Variants in BDP1 observed in about 807,000 individuals in gnomAD.
BDP1 encodes BDP1 general transcription factor IIIB subunit, also known as transcription factor TFIIIB component B'' homolog.
In BDP1, 169 loss-of-function variants were observed where a neutral mutation model predicts 266.6. That is an observed-to-expected ratio of 0.63 (90% CI 0.56 to 0.72). The LOEUF is 0.72. Ranked by LOEUF, BDP1 falls within the 30% of genes least tolerant of loss-of-function variation. The pLI is 0.00. For synonymous variants in BDP1, 1,090 were observed against 1,022.4 expected (o/e 1.07, Z -1.26); for missense variants, 3,015 against 3,053.8 (o/e 0.99, Z 0.30).
At chr5:71,567,834 C>T (rs895214695), downstream of BDP1, 5 of 151,794 alleles carry the variant, frequency 3.3e-5, no homozygotes, top group African/African-American at 1.2e-4. Flanking sequence ...CTGTTGTGTC[C>T]TTTTAAGATG....
At chr5:71,548,426 G>A (rs1224928358) in intron 32 of BDP1, among the ~76,000 whole-genome samples, 1 of 152,098 alleles carries the variant, frequency 6.6e-6, no homozygotes, top group Admixed American at 6.6e-5. Context: ...TGGGGTTTGG[G>A]TCTCCCTATC....
chr5:71,556,351 T>A (rs1580218012), intron 35 of BDP1, among the ~76,000 whole-genome samples: 1 of 152,312 alleles, frequency 6.6e-6, no homozygotes, highest in Middle Eastern at 3.4e-3. Context: ...TCTTTTTTTT[T>A]AATTTCCGAT....
chr5:71,462,050 C>T, intron 3 of BDP1, 124 bp downstream of exon 3: 1 of 608,438 alleles, frequency 1.6e-6, no homozygotes, highest in East Asian at 2.9e-5. Context: ...GCAACCTCTG[C>T]CTCCCAGGTT....
intron 7 of BDP1, among the ~76,000 whole-genome samples, chr5:71,481,214 ATGTGT>A (rs1475486050): frequency 4.0e-5 from 6 of 151,532 alleles, no homozygotes; most frequent in Admixed American, 6.6e-5. Context: ...ATTGTGAATG[ATGTGT>A]TGTAGAGTGT....
At position 71,556,872 on chromosome 5, in the gene BDP1, T is replaced by C; in HGVS notation, c.7201-14T>C. 1 of 1,328,328 alleles carries C rather than the reference T, an allele frequency of 7.5e-7. No individual in the cohort carries two copies. The highest frequency in any genetic ancestry group is 1.0e-6 in the Non-Finnish European group (1 of 981,434). The allele number at this position is 1,328,328 out of a possible 1,614,324, so 82.3% of individuals were successfully genotyped here. ...ATAAATTTCTAAATTTTTTTTTAAA[T>C]TTTCTTAAAATAGGTGCACTCAAAG... On this transcript the variant is annotated splice_polypyrimidine_tract_variant and intron_variant, in intron 35 of 38. Coordinates refer to ENST00000358731, the MANE Select transcript of BDP1 (RefSeq NM_018429.3).
rs79825721 is a variant in BDP1 at position 71,512,515 on chromosome 5, C to A, written c.4247+87C>A. 1,647 of 886,324 alleles carry A rather than the reference C, an allele frequency of 1.9e-3. 16 individuals carry two copies. In the African/African-American group the frequency reaches 0.024, roughly 13 times the overall value. The allele number at this position is 886,324 out of a possible 1,614,324, so 54.9% of individuals were successfully genotyped here. On this transcript the variant is annotated intron_variant, in intron 18 of 38. Transcript: ENST00000358731. ...GTGAGGTTTCAAGATATAACATATA[C>A]AGGATAGTGTTAGAGCTTTTAAGAT...
intron 36 of BDP1, among the ~76,000 whole-genome samples, chr5:71,557,620 G>T (rs193130302): frequency 8.9e-6 from 1 of 112,890 alleles, no homozygotes; most frequent in African/African-American, 3.1e-5. Context: ...TCCTGACCTC[G>T]TGATCTGCCG....
chr5:71,492,207 T>C (rs1335536779), intron 11 of BDP1, among the ~76,000 whole-genome samples: 1 of 152,182 alleles, frequency 6.6e-6, no homozygotes, highest in East Asian at 1.9e-4. Context: ...AACATGGGAG[T>C]GCAAATATCT....
intron 16 of BDP1, among the ~76,000 whole-genome samples, chr5:71,506,944 C>G (rs995882292): frequency 2.2e-4 from 34 of 151,896 alleles, no homozygotes; most frequent in Admixed American, 3.9e-4. Context: ...CCTCAGCCTC[C>G]CAAGTAGCTG....
At chr5:71,485,547 A>G (rs868373089) in intron 8 of BDP1, among the ~76,000 whole-genome samples, 1 of 152,098 alleles carries the variant, frequency 6.6e-6, no homozygotes, top group Non-Finnish European at 1.5e-5. Flanking sequence ...TTATTTTAGT[A>G]TATACCTTCT....
At position 71,489,403 on chromosome 5, in the gene BDP1, G is replaced by C; in HGVS notation, c.1214-1G>C. The C allele has an allele frequency of 6.3e-7, 1 of 1,576,546 alleles. No homozygotes were observed. Among genetic ancestry groups the C allele is most frequent in the South Asian group, 1.2e-5 (1 of 84,402 alleles). ...TTTATAGTAATTTCTCTTGTTTTCA[G>C]TGAAAAAAGTTGCCTGTGAAGGAGT... is the stretch of plus-strand genomic sequence containing the variant. On this transcript the variant is annotated splice_acceptor_variant, in intron 9 of 38. Coordinates refer to ENST00000358731, the MANE Select transcript of BDP1 (RefSeq NM_018429.3). LOFTEE classifies it high-confidence loss of function.
chr5:71,532,074 AT>A (rs952090851), intron 25 of BDP1, among the ~76,000 whole-genome samples: 1 of 152,162 alleles, frequency 6.6e-6, no homozygotes, highest in African/African-American at 2.4e-5. Flanking sequence ...GTCTTAGAAA[AT>A]TTGCTTACTG....
intron 25 of BDP1, among the ~76,000 whole-genome samples, chr5:71,530,713 G>A (rs1766191407): frequency 6.6e-6 from 1 of 152,116 alleles, no homozygotes; most frequent in African/African-American, 2.4e-5. Flanking sequence ...AGTCCTGTCA[G>A]ATATTACCAA....
At chr5:71,528,589 A>T (rs277968) in intron 25 of BDP1, among the ~76,000 whole-genome samples, 1,763 of 152,376 alleles carry the variant, frequency 0.012, 17 homozygotes, top group Admixed American at 0.022. Context: ...ATGTTAATGT[A>T]ATTCCATTAA....
chr5:71,486,698 T>G, intron 9 of BDP1, 71 bp downstream of exon 9: 1 of 1,272,338 alleles, frequency 7.9e-7, no homozygotes, highest in Admixed American at 3.0e-5. Flanking sequence ...CCCTCAGGCC[T>G]TTGAGAGTTC....
chr5:71,492,019 T>G (rs1763627021), intron 11 of BDP1, among the ~76,000 whole-genome samples: 1 of 152,232 alleles, frequency 6.6e-6, no homozygotes, highest in Admixed American at 6.5e-5. Context: ...CCCAGCCTCA[T>G]GCAGTATTTT....
At chr5:71,466,438 A>G (rs1215338956) in intron 5 of BDP1, among the ~76,000 whole-genome samples, 3 of 152,236 alleles carry the variant, frequency 2.0e-5, no homozygotes, top group Admixed American at 2.0e-4. Context: ...CCTATCATCT[A>G]TTAACCTAAC....
downstream of BDP1, among the ~76,000 whole-genome samples, chr5:71,570,020 A>T (rs1744215556): frequency 6.6e-6 from 1 of 152,172 alleles, no homozygotes; most frequent in African/African-American, 2.4e-5. Context: ...CCTTTCCTTA[A>T]TGCCTTATCT....
At chr5:71,478,459 A>G (rs1465281412) in intron 7 of BDP1, among the ~76,000 whole-genome samples, 1 of 152,180 alleles carries the variant, frequency 6.6e-6, no homozygotes, top group Non-Finnish European at 1.5e-5. Context: ...GCTTTCATTT[A>G]TCTGAATGTT....
Sources: gnomAD v4.1 joint callset for allele counts (sites outside exome capture counted in the v4.1 genomes callset) on GRCh38, gnomAD v4.1.1 for gene constraint, MANE v1.5 for transcripts, NCBI Gene and HGNC (gene_info 2026-07-23, HGNC 2026-07-21) for gene names.